L3MBTL4: variants seen among roughly 807,000 people sequenced by gnomAD.
The protein encoded by L3MBTL4 is L3MBTL histone methyl-lysine binding protein 4, also known as lethal(3)malignant brain tumor-like protein 4.
Under a neutral mutation model 84.5 loss-of-function variants are expected in L3MBTL4, and 70 were observed. The ratio of observed to expected loss-of-function variants is 0.83; its 90% CI spans 0.68 to 1.01. The LOEUF (loss-of-function observed/expected upper bound fraction) is 1.01, where lower values mean the gene tolerates loss of function less well. L3MBTL4 is among the 50% of genes least tolerant of loss of function. The probability of loss-of-function intolerance (pLI) is 0.00; values close to 1 mark genes in which losing one functional copy is unlikely to be tolerated. For synonymous variants in L3MBTL4, 274 were observed against 259.8 expected (o/e 1.05, Z -0.52); for missense variants, 715 against 754.8 (o/e 0.95, Z 0.62).
At chr18:5,958,047 AAGG>A (rs1273147035) in intron 18 of L3MBTL4, among the ~76,000 whole-genome samples, 1 of 113,520 alleles carries the variant, frequency 8.8e-6, no homozygotes, top group African/African-American at 4.8e-5. Flanking sequence ...GGAGGAGGAG[AAGG>A]AGAAGGAGAA....
intron 1 of L3MBTL4, among the ~76,000 whole-genome samples, chr18:6,351,706 C>G (rs915342915): frequency 3.3e-5 from 5 of 152,020 alleles, no homozygotes; most frequent in African/African-American, 7.2e-5. Context: ...CGCCTGCCAC[C>G]ACCCCCGGCT....
At chr18:6,099,608 G>GGAGA (rs1296734682) in intron 14 of L3MBTL4, among the ~76,000 whole-genome samples, 1 of 34,460 alleles carries the variant, frequency 2.9e-5, no homozygotes, top group Non-Finnish European at 9.6e-5. Flanking sequence ...ATATATATAT[G>GGAGA]GAGAGAGAGA....
At chr18:6,020,616 C>T (rs753310464) in intron 16 of L3MBTL4, among the ~76,000 whole-genome samples, 6 of 152,154 alleles carry the variant, frequency 3.9e-5, no homozygotes, top group African/African-American at 1.4e-4. Flanking sequence ...GGAGACTCTT[C>T]GGGCCTGCAC....
chr18:6,204,032 A>G (rs555614590), intron 12 of L3MBTL4, among the ~76,000 whole-genome samples: 148 of 152,146 alleles, frequency 9.7e-4, no homozygotes, highest in African/African-American at 3.5e-3. Flanking sequence ...TGGGACTGGC[A>G]TGCTGCCCAG....
At chr18:6,133,196 C>T (rs1858033708) in intron 14 of L3MBTL4, among the ~76,000 whole-genome samples, 2 of 152,060 alleles carry the variant, frequency 1.3e-5, no homozygotes, top group Non-Finnish European at 2.9e-5. Flanking sequence ...ATGATGGAAC[C>T]GTTCCATATC....
At chr18:6,316,261 C>T (rs2051092952) in intron 1 of L3MBTL4, among the ~76,000 whole-genome samples, 1 of 152,170 alleles carries the variant, frequency 6.6e-6, no homozygotes, top group Non-Finnish European at 1.5e-5. Context: ...ATGTGGCAGC[C>T]CTATGGGGTG....
Position 6,128,037 on chromosome 18 carries a change from G to T in L3MBTL4, c.1199+10157C>A, listed in dbSNP as rs572740606. ...AATCAAAACAAAAATATTGGGTGGG[G>T]CGGGGGAAGAGTCAATGCAGGGAGC... On this transcript the variant is annotated intron_variant, in intron 14 of 18. Coordinates refer to ENST00000317931, the MANE Select transcript of L3MBTL4 (RefSeq NM_001330559.2). 5.4e-5 allele frequency among the ~76,000 whole-genome samples: 7 copies of T among 129,652 alleles called. No individual in the cohort carries two copies. The East Asian group carries it at 9.6e-4, about 18-fold the overall frequency. 85.1% of individuals were successfully genotyped at this position (129,652 alleles called of 152,430 possible). A position where few individuals can be genotyped will look rare whatever the true frequency, so the allele number is the denominator to read the frequency against.
intron 18 of L3MBTL4, 49 bp downstream of exon 18, chr18:5,960,045 C>CATAT: frequency 3.3e-5 from 11 of 336,356 alleles, no homozygotes; most frequent in Middle Eastern, 8.0e-4. Flanking sequence ...TATACACACA[C>CATAT]ATATATATAT....
chr18:6,032,416 A>AC, intron 16 of L3MBTL4: 5 of 632,672 alleles, frequency 7.9e-6, no homozygotes, highest in South Asian at 7.0e-5. Flanking sequence ...ACACACACAC[A>AC]ATCTGCATCA....
At chr18:6,232,871 T>G (rs985690164) in intron 10 of L3MBTL4, among the ~76,000 whole-genome samples, 1 of 152,064 alleles carries the variant, frequency 6.6e-6, no homozygotes, top group African/African-American at 2.4e-5. Context: ...AACTAACATA[T>G]ATAATTTTTT....
intron 16 of L3MBTL4, among the ~76,000 whole-genome samples, chr18:6,020,066 T>G (rs1031662551): frequency 6.6e-6 from 1 of 152,152 alleles, no homozygotes; most frequent in Non-Finnish European, 1.5e-5. Flanking sequence ...CCTGCCCTCA[T>G]GGAGCTCACA....
rs1026548858 is a variant in L3MBTL4, at chr18:6,028,852, G to T, written c.1444+52029C>A. 1.4e-4 allele frequency among the ~76,000 whole-genome samples: 21 copies of T among 152,106 alleles called. 1 individual carries two copies. Among genetic ancestry groups the T allele is most frequent in the Non-Finnish European group, 2.5e-4 (17 of 68,028 alleles). On this transcript the variant is annotated intron_variant, in intron 16 of 18. Transcript: ENST00000317931. ...GAGACTTAACAGCATTGTGATACTGGAGTCACCACTGAATTAAGTTATAGA... is the reference window on the plus strand; with the variant it reads ...GAGACTTAACAGCATTGTGATACTGTAGTCACCACTGAATTAAGTTATAGA...
At chr18:6,046,318 A>T (rs1050326704) in intron 16 of L3MBTL4, among the ~76,000 whole-genome samples, 5 of 152,346 alleles carry the variant, frequency 3.3e-5, no homozygotes, top group African/African-American at 1.2e-4. Flanking sequence ...GAGGACTTTA[A>T]CATGCCACTG....
chr18:6,034,078 G>A (rs1195825236), intron 16 of L3MBTL4, among the ~76,000 whole-genome samples: 4 of 151,794 alleles, frequency 2.6e-5, no homozygotes, highest in African/African-American at 9.7e-5. Context: ...TTCTTGCAGG[G>A]CACGTCTGGT....
chr18:6,331,959 G>A (rs758085930), intron 1 of L3MBTL4, among the ~76,000 whole-genome samples: 9 of 151,540 alleles, frequency 5.9e-5, no homozygotes, highest in Non-Finnish European at 1.0e-4. Flanking sequence ...AAAAAAAAGA[G>A]GAAATATGTA....
At chr18:6,260,924 T>A (rs2048372571) in intron 5 of L3MBTL4, 1 of 152,236 alleles carries the variant, frequency 6.6e-6, no homozygotes, top group Admixed American at 6.5e-5. Flanking sequence ...TAAAACCTAT[T>A]TTTAACTATA....
At chr18:6,084,341 T>C (rs2058185553) in intron 15 of L3MBTL4, among the ~76,000 whole-genome samples, 2 of 152,126 alleles carry the variant, frequency 1.3e-5, no homozygotes, top group Admixed American at 1.3e-4. Context: ...GCAGAGACCT[T>C]TATAGCTGGC....
Position 6,241,409 on chromosome 18 carries a change from C to T in L3MBTL4, c.501G>A (p.Lys167=). The change falls in exon 8 of 19, where the codon AAG becomes AAA. Residue 167 remains lysine (K), a synonymous_variant. Transcript: ENST00000317931. Reference sequence around the variant, plus strand: ...TTGGAGCATTTTGCAATTTGCAGGCCTTCAAGTAATCCATCCAAACAAATT... The same window carrying T: ...TTGGAGCATTTTGCAATTTGCAGGCTTTCAAGTAATCCATCCAAACAAATT... ...KDKFVWMDYL[K]ACKLQNAPKK... 1 of 1,604,972 alleles carries T rather than the reference C, an allele frequency of 6.2e-7. No individual in the cohort carries two copies. Among genetic ancestry groups the T allele is most frequent in the Non-Finnish European group, 8.5e-7 (1 of 1,174,860 alleles).
At chr18:6,311,489 A>C in intron 3 of L3MBTL4, 65 bp downstream of exon 3, 2 of 1,352,366 alleles carry the variant, frequency 1.5e-6, no homozygotes, top group Non-Finnish European at 2.1e-6. Flanking sequence ...GAACTCTACT[A>C]TTCCATGGTG....
Sources: allele counts gnomAD v4.1 joint callset (sites outside exome capture counted in the v4.1 genomes callset), GRCh38; gene constraint gnomAD v4.1.1; transcripts MANE v1.5; gene names NCBI Gene and HGNC (gene_info 2026-07-23, HGNC 2026-07-21).